The following RFTN2 variants were observed in gnomAD, a reference collection of about 807,000 sequenced individuals.
RFTN2 encodes the protein raftlin family member 2.
Under a neutral mutation model 52.7 loss-of-function variants are expected in RFTN2, and 34 were observed. That is an observed-to-expected ratio of 0.64 (90% CI 0.49 to 0.86). The LOEUF (loss-of-function observed/expected upper bound fraction) is 0.86, where lower values mean the gene tolerates loss of function less well. Among genes scored for constraint, RFTN2 ranks in the 40% least tolerant of loss-of-function variants. RFTN2 has a pLI of 0.00. For synonymous variants in RFTN2, 203 were observed against 217.7 expected (o/e 0.93, Z 0.59); for missense variants, 536 against 600.1 (o/e 0.89, Z 1.12).
chr2:197,632,293 A>G (rs1258034690), intron 4 of RFTN2, among the ~76,000 whole-genome samples: 2 of 152,184 alleles, frequency 1.3e-5, no homozygotes, highest in African/African-American at 4.8e-5. Flanking sequence ...CATAATCCCC[A>G]CATGTTGTGG....
chr2:197,576,738 A>G (rs1018887079), intron 8 of RFTN2, among the ~76,000 whole-genome samples: 47 of 152,292 alleles, frequency 3.1e-4, no homozygotes, highest in Admixed American at 2.0e-3. Flanking sequence ...CATTTATGAC[A>G]CTGTTTGTAC....
rs138161394 is a variant in RFTN2 at position 197,620,959 on chromosome 2, C to G, written c.929-3038G>C. Among the ~76,000 whole-genome samples, 9 of 152,192 alleles carry G rather than the reference C, an allele frequency of 5.9e-5. No individual in the cohort carries two copies. In the East Asian group the frequency reaches 1.5e-3, roughly 26 times the overall value. ...TCAGCCTGGGTGACAGAGCAAGACT[C>G]CATCTCAAAAACAAAACAAAACAAA... On this transcript the variant is annotated intron_variant, in intron 5 of 8. Transcript: ENST00000295049.
intron 2 of RFTN2, among the ~76,000 whole-genome samples, chr2:197,645,854 A>G (rs2088740470): frequency 6.6e-6 from 1 of 152,114 alleles, no homozygotes; most frequent in Non-Finnish European, 1.5e-5. Flanking sequence ...GTGAAACCCC[A>G]TCTGTACTAA....
At chr2:197,608,583 G>A (rs1393805326) in intron 7 of RFTN2, among the ~76,000 whole-genome samples, 7 of 148,610 alleles carry the variant, frequency 4.7e-5, no homozygotes, top group Admixed American at 4.0e-4. Context: ...CAAAGTGATA[G>A]GATTACAGGC....
At chr2:197,619,199 G>T (rs1021889156) in intron 5 of RFTN2, among the ~76,000 whole-genome samples, 2 of 152,256 alleles carry the variant, frequency 1.3e-5, no homozygotes, top group Non-Finnish European at 1.5e-5. Context: ...CTACTGGGAA[G>T]TGAGGAGCCC....
At chr2:197,591,663 G>C (rs1027415823) in intron 8 of RFTN2, among the ~76,000 whole-genome samples, 8 of 152,190 alleles carry the variant, frequency 5.3e-5, no homozygotes, top group African/African-American at 1.4e-4. Flanking sequence ...GGAGCGGGGG[G>C]GCTCAGGCAT....
intron 5 of RFTN2, among the ~76,000 whole-genome samples, chr2:197,619,843 T>C (rs950455979): frequency 1.3e-5 from 2 of 150,662 alleles, no homozygotes; most frequent in Non-Finnish European, 3.0e-5. Context: ...GGAAAGTTTT[T>C]CTTTCTCCCC....
chr2:197,628,564 C>A (rs543789173), intron 5 of RFTN2, among the ~76,000 whole-genome samples: 32 of 152,064 alleles, frequency 2.1e-4, no homozygotes, highest in Admixed American at 8.5e-4. Flanking sequence ...TAGTCACACA[C>A]CAAAATTTGA....
intron 7 of RFTN2, among the ~76,000 whole-genome samples, chr2:197,603,046 G>A (rs182659182): frequency 3.3e-5 from 5 of 152,258 alleles, no homozygotes; most frequent in East Asian, 3.9e-4. Context: ...ACATAGGAAC[G>A]GGAACATCAC....
chr2:197,609,882 C>T (rs2088027611), intron 7 of RFTN2, among the ~76,000 whole-genome samples: 1 of 152,182 alleles, frequency 6.6e-6, no homozygotes, highest in African/African-American at 2.4e-5. Flanking sequence ...GGAATCCTTT[C>T]CCCACTGCTT....
intron 6 of RFTN2, among the ~76,000 whole-genome samples, chr2:197,616,622 G>A (rs901319333): frequency 2.0e-5 from 3 of 152,064 alleles, no homozygotes; most frequent in Admixed American, 6.6e-5. Flanking sequence ...GTTCCTTAGC[G>A]GATTTGGATC....
chr2:197,622,625 C>T (rs535227012), intron 5 of RFTN2, among the ~76,000 whole-genome samples: 61 of 152,202 alleles, frequency 4.0e-4, no homozygotes, highest in African/African-American at 1.4e-3. Flanking sequence ...AGATTTTCAG[C>T]GTCAGTAAAA....
Position 197,619,124 on chromosome 2 carries a change from G to A in RFTN2, c.929-1203C>T, listed in dbSNP as rs536073829. 1.6e-3 allele frequency among the ~76,000 whole-genome samples: 238 copies of A among 151,360 alleles called. 6 individuals are homozygous for A. Among genetic ancestry groups the A allele is most frequent in the South Asian group, 8.3e-3 (40 of 4,800 alleles). On this transcript the variant is annotated intron_variant, in intron 5 of 8. Transcript: ENST00000295049. ...CTCTGCCCGGCCAGCCGCCCCGTCC[G>A]GGAGGGAGGTGGGGGGGGTCAGCCC...
chr2:197,634,333 A>G (rs140058149), intron 3 of RFTN2, among the ~76,000 whole-genome samples: 213 of 152,306 alleles, frequency 1.4e-3, no homozygotes, highest in African/African-American at 4.2e-3. Context: ...CTCCAGTTGG[A>G]GCAAAATTAA....
intron 8 of RFTN2, among the ~76,000 whole-genome samples, chr2:197,582,283 A>C (rs1157503138): frequency 6.6e-6 from 1 of 151,694 alleles, no homozygotes; most frequent in Middle Eastern, 3.4e-3. Context: ...AGCTATACTC[A>C]CTCTTTGTTG....
intron 5 of RFTN2, among the ~76,000 whole-genome samples, chr2:197,628,253 G>A (rs1056301118): frequency 5.3e-5 from 8 of 152,294 alleles, no homozygotes; most frequent in East Asian, 1.9e-4. Flanking sequence ...ATAGACTGAC[G>A]TGGCTTGTGA....
intron 1 of RFTN2, among the ~76,000 whole-genome samples, chr2:197,651,089 C>T (rs1210151546): frequency 3.3e-5 from 5 of 152,102 alleles, no homozygotes; most frequent in African/African-American, 1.2e-4. Context: ...TCTGTTCAAA[C>T]CCTTTGCTCA....
intron 1 of RFTN2, among the ~76,000 whole-genome samples, 185 bp downstream of exon 1, chr2:197,675,134 AC>A (rs1187477617): frequency 6.6e-6 from 1 of 152,226 alleles, no homozygotes; most frequent in Non-Finnish European, 1.5e-5. Flanking sequence ...GAGCCATGTT[AC>A]CAAAATACGA....
chr2:197,578,571 G>A (rs945374471), intron 8 of RFTN2, among the ~76,000 whole-genome samples: 1 of 151,982 alleles, frequency 6.6e-6, no homozygotes, highest in African/African-American at 2.4e-5. Flanking sequence ...TGAGCACCTT[G>A]TGACCCCCAG....
Sources: allele counts gnomAD v4.1 joint callset (sites outside exome capture counted in the v4.1 genomes callset), GRCh38; gene constraint gnomAD v4.1.1; transcripts MANE v1.5; gene names NCBI Gene and HGNC (gene_info 2026-07-23, HGNC 2026-07-21).